Variants in PRAG1 observed in about 807,000 individuals in gnomAD.
The protein encoded by PRAG1 is inactive tyrosine-protein kinase PRAG1.
A neutral mutation model predicts 95.6 loss-of-function variants in PRAG1; 110 were observed. The ratio of observed to expected loss-of-function variants is 1.15; its 90% CI spans 0.99 to 1.35. The LOEUF (loss-of-function observed/expected upper bound fraction) is 1.35. PRAG1 is among the 40% of genes most tolerant of loss of function. PRAG1 has a pLI of 0.00. For synonymous variants in PRAG1, 1,052 were observed against 819.4 expected, an observed-to-expected ratio of 1.28 and a Z score of -4.85; for missense variants, 2,554 against 1,864.7, an observed-to-expected ratio of 1.37 and a Z score of -6.81.
At chr8:8,322,988 T>A (rs905462800) in intron 5 of PRAG1, among the ~76,000 whole-genome samples, 9 of 152,198 alleles carry the variant, frequency 5.9e-5, no homozygotes, top group Non-Finnish European at 8.8e-5. Context: ...TATATTTGGC[T>A]CAGAATAAAT....
chr8:8,386,163 G>T (rs985099125), intron 1 of PRAG1, among the ~76,000 whole-genome samples, 158 bp downstream of exon 1: 1 of 152,144 alleles, frequency 6.6e-6, no homozygotes, highest in Non-Finnish European at 1.5e-5. Context: ...CACCACCCGG[G>T]GCTCACGCGG....
intron 4 of PRAG1, among the ~76,000 whole-genome samples, chr8:8,328,885 T>C (rs1798733631): frequency 6.6e-6 from 1 of 152,242 alleles, no homozygotes; most frequent in Non-Finnish European, 1.5e-5. Flanking sequence ...AAATCAAATA[T>C]GCAGATCTAT....
chr8:8,326,048 T>A (rs1798627120), intron 5 of PRAG1, among the ~76,000 whole-genome samples: 1 of 150,316 alleles, frequency 6.7e-6, no homozygotes, highest in Non-Finnish European at 1.5e-5. Context: ...TTTTTCCTCC[T>A]CAAAACAGAA....
At chr8:8,347,639 G>A (rs1799389123) in intron 3 of PRAG1, among the ~76,000 whole-genome samples, 1 of 152,038 alleles carries the variant, frequency 6.6e-6, no homozygotes, top group Admixed American at 6.6e-5. Flanking sequence ...CTTCCTCCTT[G>A]TCTATCCTGA....
intron 3 of PRAG1, among the ~76,000 whole-genome samples, chr8:8,358,857 A>G (rs995185190): frequency 1.2e-4 from 18 of 152,234 alleles, no homozygotes; most frequent in African/African-American, 4.3e-4. Context: ...ACTTTCCTAA[A>G]TAGGTAAAGA....
intron 3 of PRAG1, 115 bp downstream of exon 3, chr8:8,376,132 G>T (rs955698751): frequency 7.2e-7 from 1 of 1,396,930 alleles, no homozygotes; most frequent in Non-Finnish European, 9.7e-7. Context: ...AAAGGCACAA[G>T]GGCCTTTGGG....
At chr8:8,360,007 G>A (rs1475612338) in intron 3 of PRAG1, among the ~76,000 whole-genome samples, 1 of 152,112 alleles carries the variant, frequency 6.6e-6, no homozygotes, top group African/African-American at 2.4e-5. Flanking sequence ...ATTCCTCTGA[G>A]GAACGAGCTA....
intron 3 of PRAG1, among the ~76,000 whole-genome samples, chr8:8,350,892 TTAAATGGATGGATGGATGGA>T (rs1799497827): frequency 7.6e-6 from 1 of 132,348 alleles, no homozygotes; most frequent in South Asian, 2.8e-4. Flanking sequence ...AAAGTGCTCG[TTAAATGGATGGATGGATGGA>T]TGGATGGATG....
chr8:8,379,598 T>C (rs893791400), intron 2 of PRAG1, among the ~76,000 whole-genome samples: 6 of 152,226 alleles, frequency 3.9e-5, no homozygotes, highest in African/African-American at 1.4e-4. Flanking sequence ...TGATTTAGAA[T>C]TGACCTTAGT....
chr8:8,378,921 G>T (rs1374734410), intron 2 of PRAG1, among the ~76,000 whole-genome samples: 1 of 151,230 alleles, frequency 6.6e-6, no homozygotes, highest in Non-Finnish European at 1.5e-5. Flanking sequence ...GGGTGGGTGG[G>T]TGTGGGCAGA....
Position 8,328,286 on chromosome 8 carries a change from G to C in PRAG1, c.2496C>G (p.Phe832Leu), listed in dbSNP as rs1798709129. The change falls in exon 5 of 6, where the codon TTC (phenylalanine) becomes TTG (leucine). Residue 832 changes from phenylalanine (F) to leucine (L), a missense_variant. Coordinates refer to ENST00000615670, the MANE Select transcript of PRAG1 (RefSeq NM_001080826.3). Reference sequence around the variant, plus strand: ...CGGGCTTGGGGGAGCCTTGGGTCCAGAAGAAGCCATCCGGTGAAGAGGCTG... The same window carrying C: ...CGGGCTTGGGGGAGCCTTGGGTCCACAAGAAGCCATCCGGTGAAGAGGCTG... ...SRAASSPDGF[F>L]WTQGSPKPGT... The C allele has an allele frequency of 2.5e-6, 4 of 1,613,964 alleles. No individual in the cohort carries two copies. In the South Asian group the frequency reaches 4.4e-5, roughly 18 times the overall value.
Position 8,339,665 on chromosome 8 carries a change from T to C in PRAG1, c.2163-30A>G, listed in dbSNP as rs201306333. On this transcript the variant is annotated intron_variant, in intron 3 of 5. Transcript: ENST00000615670. ...AAAAGGTAGGAACAAACAATACAAA[T>C]AACTCATTGGATTTCCATTCAGAAA... 1.1e-5 allele frequency: 18 copies of C among 1,589,076 alleles called. No individual in the cohort carries two copies. The Admixed American group carries it at 3.0e-4, about 27-fold the overall frequency.
At chr8:8,368,448 A>G (rs976854674) in intron 3 of PRAG1, among the ~76,000 whole-genome samples, 5 of 152,256 alleles carry the variant, frequency 3.3e-5, no homozygotes, top group Non-Finnish European at 7.3e-5. Context: ...CAATGCAAGC[A>G]CAGAGGATGC....
At chr8:8,333,807 A>G (rs572038941) in intron 4 of PRAG1, among the ~76,000 whole-genome samples, 1 of 152,218 alleles carries the variant, frequency 6.6e-6, no homozygotes, top group Non-Finnish European at 1.5e-5. Flanking sequence ...GTGTTTGACC[A>G]TTCTCCAACT....
intron 4 of PRAG1, among the ~76,000 whole-genome samples, chr8:8,330,752 C>T (rs1016310198): frequency 2.0e-5 from 3 of 152,156 alleles, no homozygotes; most frequent in African/African-American, 7.2e-5. Context: ...ATCCCACGCT[C>T]CCCAGGAAAG....
At chr8:8,365,693 T>C (rs1244490648) in intron 3 of PRAG1, among the ~76,000 whole-genome samples, 1 of 151,904 alleles carries the variant, frequency 6.6e-6, no homozygotes, top group East Asian at 1.9e-4. Context: ...CTGAGTGCAG[T>C]GACTCACACC....
rs1798381573 is a variant in PRAG1 at position 8,318,957 on chromosome 8, C to A, written c.3418G>T (p.Gly1140Trp). The A allele has an allele frequency of 6.2e-7, 1 of 1,612,896 alleles. No homozygotes were observed. Among genetic ancestry groups the A allele is most frequent in the African/African-American group, 1.3e-5 (1 of 74,856 alleles). The change falls in exon 6 of 6, where the codon GGG (glycine) becomes TGG (tryptophan). Residue 1140 changes from glycine (G) to tryptophan (W), a missense_variant. Transcript: ENST00000615670. This position sits in a 1 kb window ranked among gnomAD's most constrained non-coding sequence, Gnocchi z 4.2. ...CNGLEHLKEH[G>W]IIHRDLCLEN... ...AGGCACAGGTCCCGGTGGATGATCC[C>A]GTGCTCCTTCAGGTGCTCCAGCCCG... is the stretch of plus-strand genomic sequence containing the variant.
At chr8:8,346,326 T>C (rs1010545338) in intron 3 of PRAG1, among the ~76,000 whole-genome samples, 5 of 152,222 alleles carry the variant, frequency 3.3e-5, no homozygotes, top group Non-Finnish European at 7.3e-5. Context: ...TCCACAGATG[T>C]CTTCACTCAC....
chr8:8,341,772 G>C (rs1321636467), intron 3 of PRAG1, among the ~76,000 whole-genome samples: 1 of 152,150 alleles, frequency 6.6e-6, no homozygotes, highest in East Asian at 1.9e-4. Context: ...TTCAAATAGA[G>C]GCTAGCCCAT....
Sources: allele counts gnomAD v4.1 joint callset (sites outside exome capture counted in the v4.1 genomes callset), GRCh38; gene constraint gnomAD v4.1.1; non-coding constraint Gnocchi (gnomAD v3.1); transcripts MANE v1.5; gene names NCBI Gene and HGNC (gene_info 2026-07-23, HGNC 2026-07-21).